MARVELD3: variants seen among roughly 807,000 people sequenced by gnomAD.
The protein encoded by MARVELD3 is MARVEL domain-containing protein 3.
MARVELD3 carries 28 observed loss-of-function variants against 33.5 expected under a neutral mutation model. The observed-to-expected ratio is 0.84, with a 90% CI of 0.62 to 1.15. The LOEUF (loss-of-function observed/expected upper bound fraction) is 1.15, where lower values mean the gene tolerates loss of function less well. Among genes scored for constraint, MARVELD3 ranks in the 50% most tolerant of loss-of-function variants. The pLI, the probability that MARVELD3 is intolerant of heterozygous loss-of-function variation, is 0.00. For synonymous variants in MARVELD3, 241 were observed against 230.4 expected, an observed-to-expected ratio of 1.05 and a Z score of -0.42; for missense variants, 582 against 547.6, an observed-to-expected ratio of 1.06 and a Z score of -0.63.
At chr16:71,629,163 C>G (rs2044502895) in intron 1 of MARVELD3, 2 of 523,730 alleles carry the variant, frequency 3.8e-6, no homozygotes, top group Non-Finnish European at 6.4e-6. Context: ...CAGCATCTGT[C>G]ACGTGGTTAG....
rs1452556192 is a variant in MARVELD3 at position 71,635,193 on chromosome 16, G to C, written c.*390G>C. ...AATACAAAAAAATTAGCCAGGCGTG[G>C]TGGCGGGCGCCTGTAATCCCAGCTA... On this transcript the variant is annotated 3_prime_UTR_variant, in exon 3 of 3. Transcript: ENST00000268485. The C allele has an allele frequency of 5.4e-6, 4 of 740,924 alleles. No individual in the cohort carries two copies. Among genetic ancestry groups the C allele is most frequent in the Non-Finnish European group, 5.0e-6 (3 of 604,942 alleles). The allele number at this position is 740,924 out of a possible 1,614,324, so 45.9% of individuals were successfully genotyped here.
rs764287410 is a variant in MARVELD3 at position 71,634,703 on chromosome 16, T to C, written c.1106T>C (p.Leu369Pro). ...ADIGAGIFAA[L>P]GIVVFALGAV... ...ATAGGAGCTGGAATCTTTGCTGCCC[T>C]GGGCATTGTGGTCTTTGCCCTGGGG... Residue 369 changes from leucine (L) to proline (P), a missense_variant, in exon 3 of 3, where the codon CTG becomes CCG. Coordinates refer to ENST00000268485, the MANE Select transcript of MARVELD3 (RefSeq NM_052858.6). 1.2e-6 allele frequency: 2 copies of C among 1,614,204 alleles called. No individual in the cohort carries two copies. Among genetic ancestry groups the C allele is most frequent in the South Asian group, 1.1e-5 (1 of 91,086 alleles).
downstream of MARVELD3, chr16:71,640,763 C>T (rs200660505): frequency 3.7e-6 from 6 of 1,614,092 alleles, no homozygotes; most frequent in Middle Eastern, 3.3e-4. Context: ...TTTACCTCCA[C>T]GTGGCTCTGC....
At chr16:71,639,751 A>C (rs2044604428), downstream of MARVELD3, among the ~76,000 whole-genome samples, 1 of 151,966 alleles carries the variant, frequency 6.6e-6, no homozygotes, top group African/African-American at 2.4e-5. Flanking sequence ...CCAGCCTAGG[A>C]GTTCATCCCT....
Position 71,634,308 on chromosome 16 carries a change from C to T in MARVELD3, c.711C>T (p.Tyr237=). 1 of 1,614,228 alleles carries T rather than the reference C, an allele frequency of 6.2e-7. No homozygotes were observed. Among genetic ancestry groups the T allele is most frequent in the Non-Finnish European group, 8.5e-7 (1 of 1,180,048 alleles). The change falls in exon 3 of 3, where the codon TAC becomes TAT. Residue 237 remains tyrosine, a synonymous_variant. Transcript: ENST00000268485. The part of the protein sequence containing the change: ...TGITSLGGIY[Y]YQFGGAYSGF... ...TCACCAGCTTGGGGGGCATTTACTA[C>T]TATCAGTTCGGAGGGGCTTACAGTG...
At chr16:71,628,825 G>A (rs2044500284) in intron 1 of MARVELD3, among the ~76,000 whole-genome samples, 1 of 152,074 alleles carries the variant, frequency 6.6e-6, no homozygotes, top group Non-Finnish European at 1.5e-5. Context: ...GTTGAATCTT[G>A]GACAAAGCCC....
Position 71,634,778 on chromosome 16 carries a change from A to G in MARVELD3, c.1181A>G (p.Lys394Arg). The G allele has an allele frequency of 6.2e-7, 1 of 1,604,030 alleles. No homozygotes were observed. Among genetic ancestry groups the G allele is most frequent in the African/African-American group, 1.3e-5 (1 of 74,236 alleles). ...CGAAAAGTTAGGAAGCTAAAAGAGA[A>G]GCCAGCAGAAATGTTTGAATTTTAA... ...GYRKVRKLKEKPAEMFEF is the reference protein window; with the variant it reads ...GYRKVRKLKERPAEMFEF Residue 394 changes from lysine to arginine, a missense_variant, in exon 3 of 3, where the codon AAG (lysine) becomes AGG (arginine). By Grantham distance (26) the Lys-to-Arg change is conservative (BLOSUM62 2). Coordinates refer to ENST00000268485, the MANE Select transcript of MARVELD3 (RefSeq NM_052858.6).
In MARVELD3 at chr16:71,634,596, C is replaced by T; in HGVS notation, c.999C>T (p.Gly333=). The change falls in exon 3 of 3, where the codon GGC becomes GGT. Residue 333 remains glycine, a synonymous_variant. Coordinates refer to ENST00000268485, the MANE Select transcript of MARVELD3 (RefSeq NM_052858.6). ...TCCACTACCTCTCTGCTGCCTATGGCTCTCCTGTGTGTAAAGAGAGGCAGG... is the reference window on the plus strand; with the variant it reads ...TCCACTACCTCTCTGCTGCCTATGGTTCTCCTGTGTGTAAAGAGAGGCAGG... ...FYFHYLSAAY[G]SPVCKERQAL... 1.2e-6 allele frequency: 2 copies of T among 1,614,196 alleles called. No homozygotes were observed. Among genetic ancestry groups the T allele is most frequent in the South Asian group, 2.2e-5 (2 of 91,086 alleles).
chr16:71,640,858 GC>G (rs1298663654), downstream of MARVELD3: 1 of 1,614,028 alleles, frequency 6.2e-7, no homozygotes, highest in Non-Finnish European at 8.5e-7. Context: ...CAGCTGGCAG[GC>G]ACCGACGGAG....
At chr16:71,627,346 T>C (rs772755468) in intron 1 of MARVELD3, among the ~76,000 whole-genome samples, 2 of 151,956 alleles carry the variant, frequency 1.3e-5, no homozygotes, top group Non-Finnish European at 2.9e-5. Flanking sequence ...TTACTAAAAA[T>C]ACAAAAACTT....
intron 1 of MARVELD3, among the ~76,000 whole-genome samples, chr16:71,628,133 C>G (rs1437478687): frequency 6.6e-6 from 1 of 152,226 alleles, no homozygotes; most frequent in Admixed American, 6.5e-5. Context: ...CAGATACAGT[C>G]AAAGCTTCGC....
At chr16:71,640,315 G>A, downstream of MARVELD3, 1 of 1,482,626 alleles carries the variant, frequency 6.7e-7, no homozygotes, top group Non-Finnish European at 9.1e-7. Context: ...TTAAAATCAG[G>A]TGGCCTGTGG....
chr16:71,626,590 G>C lies in MARVELD3; in HGVS notation c.361G>C (p.Gly121Arg). The C allele has an allele frequency of 6.5e-7, 1 of 1,544,358 alleles. No homozygotes were observed. The highest frequency in any genetic ancestry group is 8.7e-7 in the Non-Finnish European group (1 of 1,146,612). Residue 121 changes from glycine (G) to arginine (R), a missense_variant, in exon 1 of 3, where the codon GGA becomes CGA. Gly to Arg is a moderately radical substitution (Grantham distance 125). Coordinates refer to ENST00000268485, the MANE Select transcript of MARVELD3 (RefSeq NM_052858.6). The surrounding 1 kb of genome is among the most constrained non-coding windows in gnomAD (Gnocchi z 5.3). ...AAGCCGGACGCGGGACGGAGCCCGG[G>C]GACTGACCTGGGACGCAGCCGCGCC... ...RQSRTRDGAR[G>R]LTWDAAAPPG...
Position 71,626,472 on chromosome 16 carries a change from G to A in MARVELD3, c.243G>A (p.Arg81=). The change falls in exon 1 of 3, where the codon AGG becomes AGA. Residue 81 remains arginine, a synonymous_variant. Coordinates refer to ENST00000268485, the MANE Select transcript of MARVELD3 (RefSeq NM_052858.6). This position sits in a 1 kb window ranked among gnomAD's most constrained non-coding sequence, Gnocchi z 5.3. ...GGGACCGGGAGAGGGAGAGAGAGAGGGAAAGAGACCCGGACCGAGGCCCCC... is the reference window on the plus strand; with the variant it reads ...GGGACCGGGAGAGGGAGAGAGAGAGAGAAAGAGACCCGGACCGAGGCCCCC... ...RNRDRERERE[R]ERDPDRGPRR... 3 of 1,549,518 alleles carry A rather than the reference G, an allele frequency of 1.9e-6. No homozygotes were observed. Among genetic ancestry groups the A allele is most frequent in the Non-Finnish European group, 1.7e-6 (2 of 1,146,752 alleles).
chr16:71,636,123 T>C lies in MARVELD3; in HGVS notation c.*1320T>C, dbSNP rs1206510688. ...TTCTCGGTCCTTAAGTTATGACTTATGGAACATTACAATATATTCTCGGTC... is the reference window on the plus strand; with the variant it reads ...TTCTCGGTCCTTAAGTTATGACTTACGGAACATTACAATATATTCTCGGTC... On this transcript the variant is annotated 3_prime_UTR_variant, in exon 3 of 3. Coordinates refer to ENST00000268485, the MANE Select transcript of MARVELD3 (RefSeq NM_052858.6). 3.0e-6 allele frequency: 3 copies of C among 984,952 alleles called. No homozygotes were observed. Among genetic ancestry groups the C allele is most frequent in the African/African-American group, 1.7e-5 (1 of 57,252 alleles). 61.0% of individuals were successfully genotyped at this position (984,952 alleles called of 1,614,324 possible).
Position 71,634,941 on chromosome 16 carries a change from T to C in MARVELD3, c.*138T>C, listed in dbSNP as rs2044569557. ...CCAGCGTTGGTGTGGTGGGCGGAGC[T>C]CCCAGTCGCATGGAGCGGTGTTCAT... is the stretch of plus-strand genomic sequence containing the variant. On this transcript the variant is annotated 3_prime_UTR_variant, in exon 3 of 3. Coordinates refer to ENST00000268485, the MANE Select transcript of MARVELD3 (RefSeq NM_052858.6). The C allele has an allele frequency of 6.9e-7, 1 of 1,445,508 alleles. No individual in the cohort carries two copies. The highest frequency in any genetic ancestry group is 1.4e-5 in the African/African-American group (1 of 69,960). The allele number at this position is 1,445,508 out of a possible 1,614,324, so 89.5% of individuals were successfully genotyped here. A position where few individuals can be genotyped will look rare whatever the true frequency, so the allele number is the denominator to read the frequency against.
rs781296749 is a variant in MARVELD3 at position 71,626,613 on chromosome 16, G to A, written c.384G>A (p.Ala128=). 6.5e-7 allele frequency: 1 copy of A among 1,539,844 alleles called. No individual in the cohort carries two copies. The highest frequency in any genetic ancestry group is 1.2e-5 in the South Asian group (1 of 83,876). Residue 128 remains alanine, a synonymous_variant, in exon 1 of 3, where the codon GCG becomes GCA. Transcript: ENST00000268485. This position sits in a 1 kb window ranked among gnomAD's most constrained non-coding sequence, Gnocchi z 5.3. ...GGGGACTGACCTGGGACGCAGCCGC[G>A]CCTCCTGGGCCCGCGCCCTGGGAAG... ...GARGLTWDAA[A]PPGPAPWEAP... is the part of the protein sequence containing the mutation.
downstream of MARVELD3, chr16:71,638,278 A>G (rs1368871553): frequency 5.3e-5 from 8 of 152,194 alleles, no homozygotes; most frequent in Non-Finnish European, 1.2e-4. Flanking sequence ...CAGTCCAAAT[A>G]TCTATCAGTA....
In MARVELD3 at chr16:71,634,741, A is replaced by G. The variant is rs200467727; in HGVS notation, c.1144A>G (p.Ile382Val). 3.1e-6 allele frequency: 5 copies of G among 1,612,252 alleles called. No individual in the cohort carries two copies. The South Asian group carries it at 4.4e-5, about 14-fold the overall frequency. Residue 382 changes from isoleucine to valine, a missense_variant, in exon 3 of 3, where the codon ATA (isoleucine) becomes GTA (valine). Coordinates refer to ENST00000268485, the MANE Select transcript of MARVELD3 (RefSeq NM_052858.6). ...CTTTGCCCTGGGGGCTGTCCTGGCCATAAAGGGCTACCGAAAAGTTAGGAA... is the reference window on the plus strand; with the variant it reads ...CTTTGCCCTGGGGGCTGTCCTGGCCGTAAAGGGCTACCGAAAAGTTAGGAA... ...VVFALGAVLAIKGYRKVRKLK... is the reference protein window; with the variant it reads ...VVFALGAVLAVKGYRKVRKLK...
Sources: gnomAD v4.1 joint callset for allele counts (sites outside exome capture counted in the v4.1 genomes callset) on GRCh38, gnomAD v4.1.1 for gene constraint, Gnocchi (gnomAD v3.1) non-coding constraint, MANE v1.5 for transcripts, NCBI Gene and HGNC (gene_info 2026-07-23, HGNC 2026-07-21) for gene names.